SEMA3A: variants seen among roughly 807,000 people sequenced by gnomAD.
SEMA3A encodes the protein semaphorin 3A.
Under a neutral mutation model 97.9 loss-of-function variants are expected in SEMA3A, and 29 were observed. The ratio of observed to expected loss-of-function variants is 0.30; its 90% CI spans 0.22 to 0.40. SEMA3A has a LOEUF of 0.40. Ranked by LOEUF, SEMA3A falls within the 10% of genes least tolerant of loss-of-function variation. The pLI is 1.00. For missense variants in SEMA3A, 763 were observed against 951.3 expected (o/e 0.80, Z 2.60); for synonymous variants, 321 against 323.7 (o/e 0.99, Z 0.09).
rs140342909 is a variant in SEMA3A at position 84,398,463 on chromosome 7, T to A, written c.-245-26563A>T. On this transcript the variant is annotated intron_variant, in intron 1 of 3. Transcript: ENST00000424555. Reference sequence around the variant, plus strand: ...AAACACATCACCCTCCTTTCGCAGTTCCTGACTGAAGCCGTTAAAAATCAA... The same window carrying A: ...AAACACATCACCCTCCTTTCGCAGTACCTGACTGAAGCCGTTAAAAATCAA... 2.6e-5 allele frequency among the ~76,000 whole-genome samples: 4 copies of A among 152,294 alleles called. No homozygotes were observed. The East Asian group carries it at 7.7e-4, about 29-fold the overall frequency.
chr7:84,049,604 T>A (rs903515787), intron 5 of SEMA3A, among the ~76,000 whole-genome samples: 2 of 152,262 alleles, frequency 1.3e-5, no homozygotes, highest in South Asian at 4.1e-4. Context: ...TTGGCTTATT[T>A]TGGAGAATAG....
chr7:84,021,399 A>T (rs1791324386), intron 6 of SEMA3A, among the ~76,000 whole-genome samples: 1 of 152,066 alleles, frequency 6.6e-6, no homozygotes, highest in Non-Finnish European at 1.5e-5. Context: ...TTCAGCTTCT[A>T]TATATAACAA....
chr7:84,022,899 T>G (rs2116444369), intron 6 of SEMA3A, among the ~76,000 whole-genome samples: 1 of 152,304 alleles, frequency 6.6e-6, no homozygotes, highest in South Asian at 2.1e-4. Context: ...AACAATCACA[T>G]TTACTAATCT....
chr7:83,982,927 C>T (rs1789476009), intron 13 of SEMA3A, among the ~76,000 whole-genome samples: 1 of 151,780 alleles, frequency 6.6e-6, no homozygotes. Flanking sequence ...TTATTACAAG[C>T]AAAGTAAATA....
chr7:84,144,219 A>G (rs759507098), intron 1 of SEMA3A, among the ~76,000 whole-genome samples: 9 of 152,222 alleles, frequency 5.9e-5, no homozygotes, highest in Non-Finnish European at 1.2e-4. Context: ...TAAAGATCAC[A>G]GAGTGTGCTT....
chr7:84,437,013 G>A (rs568680450), intron 1 of SEMA3A, among the ~76,000 whole-genome samples: 14 of 152,152 alleles, frequency 9.2e-5, no homozygotes, highest in African/African-American at 3.4e-4. Context: ...TTCCATGACA[G>A]GAACACAGAC....
intron 2 of SEMA3A, among the ~76,000 whole-genome samples, chr7:84,134,448 T>C (rs916324277): frequency 6.6e-6 from 1 of 152,228 alleles, no homozygotes; most frequent in African/African-American, 2.4e-5. Flanking sequence ...CAGAGAAATA[T>C]AAATTTATAC....
rs546303285 is a variant in SEMA3A at position 84,096,080 on chromosome 7, C to T, written c.453+14390G>A. ...AAGCATTCAATTTAATTTTTGAATA[C>T]AAAACGTTATAAACATCTTGAGGTA... On this transcript the variant is annotated intron_variant, in intron 4 of 16. Coordinates refer to ENST00000265362, the MANE Select transcript of SEMA3A (RefSeq NM_006080.3). Among the ~76,000 whole-genome samples the T allele has an allele frequency of 5.9e-5, 9 of 151,980 alleles. No individual in the cohort carries two copies. The South Asian group carries it at 1.0e-3, about 18-fold the overall frequency.
chr7:84,104,341 ATG>A (rs956777509), intron 4 of SEMA3A, among the ~76,000 whole-genome samples: 25 of 152,132 alleles, frequency 1.6e-4, no homozygotes, highest in African/African-American at 6.0e-4. Flanking sequence ...GGTATGCTAT[ATG>A]TGCTAAAACA....
chr7:84,419,530 A>C (rs767112968), intron 1 of SEMA3A, among the ~76,000 whole-genome samples: 6 of 85,028 alleles, frequency 7.1e-5, no homozygotes, highest in African/African-American at 1.1e-4. Flanking sequence ...GCATGAGACC[A>C]AAAAAAAAAA....
At chr7:84,341,059 C>A (rs1802155903) in intron 2 of SEMA3A, among the ~76,000 whole-genome samples, 1 of 151,968 alleles carries the variant, frequency 6.6e-6, no homozygotes, top group African/African-American at 2.4e-5. Context: ...TTTCCATGTA[C>A]AAAGCAAAAC....
intron 3 of SEMA3A, among the ~76,000 whole-genome samples, chr7:84,250,107 T>G (rs776841132): frequency 5.9e-5 from 9 of 151,970 alleles, no homozygotes; most frequent in Non-Finnish European, 1.2e-4. Context: ...ATCAGTTACT[T>G]GCTGGGGATA....
At chr7:84,115,194 T>C (rs1583987866) in intron 3 of SEMA3A, among the ~76,000 whole-genome samples, 1 of 152,114 alleles carries the variant, frequency 6.6e-6, no homozygotes, top group Admixed American at 6.5e-5. Flanking sequence ...AATTGAACTA[T>C]ATCACCATTA....
chr7:84,459,696 A>G (rs985993182), intron 1 of SEMA3A, among the ~76,000 whole-genome samples: 32 of 152,184 alleles, frequency 2.1e-4, no homozygotes, highest in Non-Finnish European at 4.4e-5. Flanking sequence ...CTTAAGGAAT[A>G]AATTTTTCTC....
intron 1 of SEMA3A, among the ~76,000 whole-genome samples, chr7:84,138,620 T>G (rs781278895): frequency 1.3e-5 from 2 of 152,052 alleles, no homozygotes; most frequent in Non-Finnish European, 2.9e-5. Context: ...AACAGTTTGA[T>G]TTTTTAAAAA....
At chr7:84,265,897 A>G (rs1005022780) in intron 3 of SEMA3A, among the ~76,000 whole-genome samples, 1 of 152,164 alleles carries the variant, frequency 6.6e-6, no homozygotes, top group Non-Finnish European at 1.5e-5. Context: ...ATAATTACTG[A>G]GAAACAATGC....
intron 1 of SEMA3A, among the ~76,000 whole-genome samples, chr7:84,147,031 G>C (rs1239994067): frequency 6.6e-6 from 1 of 152,142 alleles, no homozygotes. Flanking sequence ...CACAGCACAT[G>C]TTTCAGAGTG....
chr7:84,491,895 C>T (rs1351563333), intron 1 of SEMA3A, among the ~76,000 whole-genome samples: 1 of 152,032 alleles, frequency 6.6e-6, no homozygotes, highest in Non-Finnish European at 1.5e-5. Flanking sequence ...TTTAAATACT[C>T]ACTATCATTG....
intron 13 of SEMA3A, among the ~76,000 whole-genome samples, chr7:83,984,186 GAAT>G: frequency 6.6e-6 from 1 of 152,138 alleles, no homozygotes; most frequent in Non-Finnish European, 1.5e-5. Flanking sequence ...GCCTAGCAGA[GAAT>G]AAATAAATAA....
Sources: gnomAD v4.1 joint callset for allele counts (sites outside exome capture counted in the v4.1 genomes callset) on GRCh38, gnomAD v4.1.1 for gene constraint, MANE v1.5 for transcripts, NCBI Gene and HGNC (gene_info 2026-07-23, HGNC 2026-07-21) for gene names.